Variants in SGSM1 observed in about 807,000 individuals in gnomAD.
SGSM1 encodes the protein small G protein signaling modulator 1.
Under a neutral mutation model 133.8 loss-of-function variants are expected in SGSM1, and 73 were observed. The observed-to-expected ratio is 0.55, with a 90% confidence interval of 0.45 to 0.66. The LOEUF is 0.66. Among genes scored for constraint, SGSM1 ranks in the 30% least tolerant of loss-of-function variants. The probability of loss-of-function intolerance (pLI) is 0.00; values close to 1 mark genes in which losing one functional copy is unlikely to be tolerated. For synonymous variants in SGSM1, 563 were observed against 573.0 expected (o/e 0.98, Z 0.25); for missense variants, 1,213 against 1,448.1 (o/e 0.84, Z 2.64).
At chr22:24,841,042 G>A (rs887100318) in intron 2 of SGSM1, among the ~76,000 whole-genome samples, 32 of 151,966 alleles carry the variant, frequency 2.1e-4, no homozygotes, top group Admixed American at 1.8e-3. Context: ...AGTAGAGACG[G>A]GGTTTCACCG....
rs367830127 is a variant in SGSM1 at position 24,867,121 on chromosome 22, C to T, written c.955C>T (p.Arg319Cys). 230 of 1,613,832 alleles carry T rather than the reference C, an allele frequency of 1.4e-4. No individual in the cohort carries two copies. Among genetic ancestry groups the T allele is most frequent in the Non-Finnish European group, 1.8e-4 (214 of 1,179,862 alleles). Reference protein sequence around the residue: ...SVYWDYAMTIRLEEIVYLHCH... With the variant: ...SVYWDYAMTICLEEIVYLHCH... Reference sequence around the variant, plus strand: ...CTACTGGGACTATGCCATGACCATCCGCTTGGAGGAGATTGTCTACCTGCA... The same window carrying T: ...CTACTGGGACTATGCCATGACCATCTGCTTGGAGGAGATTGTCTACCTGCA... Residue 319 changes from arginine (R) to cysteine (C), a missense_variant, in exon 10 of 25, where the codon CGC (arginine) becomes TGC (cysteine). Physicochemically the swap from Arg to Cys is radical, Grantham distance 180. Transcript: ENST00000400358.
At chr22:24,913,757 T>C (rs532714210) in intron 22 of SGSM1, among the ~76,000 whole-genome samples, 1 of 152,294 alleles carries the variant, frequency 6.6e-6, no homozygotes, top group Admixed American at 6.5e-5. Context: ...TGGTGGTTCA[T>C]GCCAGTAATC....
chr22:24,880,501 G>A (rs114076761), intron 14 of SGSM1, among the ~76,000 whole-genome samples: 1,767 of 152,300 alleles, frequency 0.012, 17 homozygotes, highest in African/African-American at 0.04. Flanking sequence ...TAAAACGTGT[G>A]TGTATTTTCA....
At chr22:24,903,982 A>G (rs1016682906) in intron 20 of SGSM1, among the ~76,000 whole-genome samples, 6 of 55,898 alleles carry the variant, frequency 1.1e-4, no homozygotes, top group African/African-American at 7.1e-4. Context: ...CAACAAAAAG[A>G]AAAAAAAAAA....
intron 8 of SGSM1, among the ~76,000 whole-genome samples, chr22:24,858,214 A>G (rs114465791): frequency 1.1e-3 from 164 of 152,324 alleles, no homozygotes; most frequent in African/African-American, 3.8e-3. Flanking sequence ...TCCTGGGCTC[A>G]GGTAATTCTT....
At chr22:24,820,322 C>G (rs11090347) in intron 2 of SGSM1, among the ~76,000 whole-genome samples, 46,684 of 151,910 alleles carry the variant, frequency 0.31, 7,539 homozygotes, top group East Asian at 0.59. Flanking sequence ...AACCCCAGCC[C>G]CAGAACACCC....
chr22:24,892,790 T>C (rs540921547), intron 16 of SGSM1, among the ~76,000 whole-genome samples: 1 of 150,778 alleles, frequency 6.6e-6, no homozygotes, highest in East Asian at 2.0e-4. Flanking sequence ...GGCTCACACC[T>C]GTAATCCCAG....
Position 24,855,688 on chromosome 22 carries a change from G to T in SGSM1, c.801+8G>T. ...AACGTTCTTGTTCAGCCGGTGAGAG[G>T]TTATCTTGGGCCTAGATCTTGCACT... On this transcript the variant is annotated splice_region_variant and intron_variant, in intron 8 of 24. Transcript: ENST00000400358. 1.2e-6 allele frequency: 2 copies of T among 1,613,916 alleles called. No individual in the cohort carries two copies. The highest frequency in any genetic ancestry group is 1.3e-5 in the African/African-American group (1 of 75,020).
At chr22:24,874,441 T>C in intron 12 of SGSM1, 1 of 1,612,306 alleles carries the variant, frequency 6.2e-7, no homozygotes, top group Non-Finnish European at 8.5e-7. Context: ...GGGCAGCACT[T>C]CCTCCGTCTC....
chr22:24,857,094 T>G (rs1414611654), intron 8 of SGSM1, among the ~76,000 whole-genome samples: 4 of 151,318 alleles, frequency 2.6e-5, no homozygotes, highest in African/African-American at 7.3e-5. Flanking sequence ...TAACGTAATC[T>G]AAACAAATTT....
chr22:24,855,461 G>C lies in SGSM1; in HGVS notation c.669+31G>C, dbSNP rs1452660815. On this transcript the variant is annotated intron_variant, in intron 7 of 24. Coordinates refer to ENST00000400358, the MANE Select transcript of SGSM1 (RefSeq NM_001098497.3). ...TGGGGTGGACAGTGGGGCAGTGGGA[G>C]GGACCTTACATGAGGGCAGGAAGCA... 3.1e-6 allele frequency: 5 copies of C among 1,613,122 alleles called. No individual in the cohort carries two copies. The African/African-American group carries it at 6.7e-5, about 22-fold the overall frequency.
At chr22:24,923,570 C>T (rs2179876) in intron 24 of SGSM1, among the ~76,000 whole-genome samples, 31,144 of 152,040 alleles carry the variant, frequency 0.2, 3,983 homozygotes, top group East Asian at 0.55. Context: ...CAGCACTGCT[C>T]TCAGTCATTC....
At chr22:24,842,800 A>T (rs1273655504) in intron 2 of SGSM1, among the ~76,000 whole-genome samples, 1 of 152,224 alleles carries the variant, frequency 6.6e-6, no homozygotes, top group East Asian at 1.9e-4. Flanking sequence ...CATGCAGCCG[A>T]CATTTATTTG....
intron 2 of SGSM1, among the ~76,000 whole-genome samples, chr22:24,835,697 G>A (rs1302036891): frequency 6.6e-6 from 1 of 152,006 alleles, no homozygotes; most frequent in Non-Finnish European, 1.5e-5. Flanking sequence ...CATGAGATGG[G>A]CTCTGCCCAC....
intron 24 of SGSM1, among the ~76,000 whole-genome samples, chr22:24,923,883 A>G (rs1017440241): frequency 2.0e-5 from 3 of 152,078 alleles, no homozygotes; most frequent in Admixed American, 2.0e-4. Context: ...CGGCCTCCCA[A>G]GGTGCTGGGA....
intron 24 of SGSM1, among the ~76,000 whole-genome samples, chr22:24,923,831 A>T (rs1315125332): frequency 6.6e-6 from 1 of 152,126 alleles, no homozygotes; most frequent in African/African-American, 2.4e-5. Context: ...CATGTTAGTC[A>T]GGCTGGTCTC....
At chr22:24,838,530 G>C (rs1040237779) in intron 2 of SGSM1, among the ~76,000 whole-genome samples, 2 of 152,160 alleles carry the variant, frequency 1.3e-5, no homozygotes, top group Non-Finnish European at 2.9e-5. Flanking sequence ...CTCTGAGGAA[G>C]GAACTCAGAT....
chr22:24,878,161 A>G (rs1021158746), intron 13 of SGSM1, among the ~76,000 whole-genome samples: 3 of 152,114 alleles, frequency 2.0e-5, no homozygotes, highest in African/African-American at 7.2e-5. Context: ...GTGGCAAAAC[A>G]TATCAGTTCC....
At chr22:24,915,178 G>C (rs541060345) in intron 22 of SGSM1, among the ~76,000 whole-genome samples, 15 of 152,170 alleles carry the variant, frequency 9.9e-5, no homozygotes, top group African/African-American at 3.4e-4. Flanking sequence ...GCAGTGAGCC[G>C]AGATCGCGCC....
Sources: allele counts gnomAD v4.1 joint callset (sites outside exome capture counted in the v4.1 genomes callset), GRCh38; gene constraint gnomAD v4.1.1; transcripts MANE v1.5; gene names NCBI Gene and HGNC (gene_info 2026-07-23, HGNC 2026-07-21).